MIA2: variants seen among roughly 807,000 people sequenced by gnomAD.
MIA2 encodes the protein MIA SH3 domain ER export factor 2.
MIA2 carries 127 observed loss-of-function variants against 167.8 expected under a neutral mutation model. The observed-to-expected ratio is 0.76, with a 90% confidence interval of 0.66 to 0.88. The LOEUF (loss-of-function observed/expected upper bound fraction) is 0.88. Among genes scored for constraint, MIA2 ranks in the 40% least tolerant of loss-of-function variants. MIA2 has a pLI of 0.00. For missense variants in MIA2, 1,690 were observed against 1,624.7 expected (o/e 1.04, Z -0.69); for synonymous variants, 552 against 541.9 (o/e 1.02, Z -0.26).
chr14:39,263,522 A>G (rs1009640859), intron 6 of MIA2, among the ~76,000 whole-genome samples: 2 of 151,782 alleles, frequency 1.3e-5, no homozygotes, highest in Admixed American at 1.3e-4. Context: ...GGCTTGAGCC[A>G]TCATGCCCAG....
intron 25 of MIA2, among the ~76,000 whole-genome samples, chr14:39,340,638 G>C (rs2071590539): frequency 6.6e-6 from 1 of 152,018 alleles, no homozygotes; most frequent in Non-Finnish European, 1.5e-5. Flanking sequence ...GAAAACTTGT[G>C]GTCTTCCCAA....
At chr14:39,239,612 C>T (rs2053951933) in intron 2 of MIA2, among the ~76,000 whole-genome samples, 1 of 152,124 alleles carries the variant, frequency 6.6e-6, no homozygotes, top group Admixed American at 6.5e-5. Flanking sequence ...TCATTGGAGG[C>T]ATCCAATGCA....
intron 25 of MIA2, 38 bp downstream of exon 25, chr14:39,327,060 G>T (rs762337138): frequency 2.1e-6 from 3 of 1,413,750 alleles, no homozygotes; most frequent in Admixed American, 2.7e-5. Context: ...TCTTTGAAAG[G>T]CAGCTGGGAT....
intron 9 of MIA2, 82 bp downstream of exon 9, chr14:39,279,619 A>C (rs2058643738): frequency 2.3e-6 from 2 of 870,476 alleles, no homozygotes; most frequent in Non-Finnish European, 3.6e-6. Flanking sequence ...GTGTAAATTT[A>C]AGATTATGAA....
At chr14:39,260,888 G>T (rs2055069090) in intron 6 of MIA2, among the ~76,000 whole-genome samples, 1 of 152,056 alleles carries the variant, frequency 6.6e-6, no homozygotes, top group South Asian at 2.1e-4. Flanking sequence ...TTTTGTATAA[G>T]GTGTAAGGAA....
In MIA2 at chr14:39,290,877, T is replaced by A. The variant is rs1595141982; in HGVS notation, c.2131-142T>A. ...CATTGTTTGTTGTAGTGGTCAGATT[T>A]AAAAAACTTAAAGCTAAGTAAATCC... On this transcript the variant is annotated intron_variant, in intron 9 of 28. Transcript: ENST00000640607. 3 of 737,330 alleles carry A rather than the reference T, an allele frequency of 4.1e-6. No homozygotes were observed. The East Asian group carries it at 9.3e-5, about 23-fold the overall frequency. The allele number at this position is 737,330 out of a possible 1,614,324, so 45.7% of individuals were successfully genotyped here.
intron 6 of MIA2, among the ~76,000 whole-genome samples, chr14:39,260,105 T>G (rs1341365493): frequency 6.6e-6 from 1 of 152,204 alleles, no homozygotes; most frequent in East Asian, 1.9e-4. Flanking sequence ...ATCCAGTCTG[T>G]CATTGATGGA....
At chr14:39,288,431 AC>A (rs2060110064) in intron 9 of MIA2, among the ~76,000 whole-genome samples, 2 of 75,658 alleles carry the variant, frequency 2.6e-5, no homozygotes, top group South Asian at 5.0e-4. Context: ...TATATATTAT[AC>A]ATATATATAT....
At chr14:39,318,995 T>TA (rs1186424670) in intron 22 of MIA2, among the ~76,000 whole-genome samples, 1 of 152,172 alleles carries the variant, frequency 6.6e-6, no homozygotes, top group African/African-American at 2.4e-5. Flanking sequence ...AGGCTCCACA[T>TA]AACATCACTA....
chr14:39,336,734 G>A (rs1243130729), intron 25 of MIA2, among the ~76,000 whole-genome samples: 1 of 152,096 alleles, frequency 6.6e-6, no homozygotes, highest in South Asian at 2.1e-4. Flanking sequence ...CTTTTAGTGT[G>A]ATTTTAAAAA....
At chr14:39,297,640 C>G (rs2061604011) in intron 13 of MIA2, among the ~76,000 whole-genome samples, 1 of 147,608 alleles carries the variant, frequency 6.8e-6, no homozygotes, top group Non-Finnish European at 1.5e-5. Flanking sequence ...TTCCACCTCT[C>G]CAAAGAATGA....
intron 7 of MIA2, among the ~76,000 whole-genome samples, chr14:39,279,012 T>C (rs1375166253): frequency 6.6e-6 from 1 of 151,744 alleles, no homozygotes; most frequent in Non-Finnish European, 1.5e-5. Context: ...AATATGAAAA[T>C]TGGCTAGGCA....
intron 23 of MIA2, among the ~76,000 whole-genome samples, chr14:39,361,932 C>T (rs1022086620): frequency 6.6e-6 from 1 of 152,064 alleles, no homozygotes; most frequent in Non-Finnish European, 1.5e-5. Context: ...ATTTTATCTT[C>T]GTCTATTGAG....
chr14:39,252,792 G>T lies in MIA2; in HGVS notation c.1612G>T (p.Val538Leu), dbSNP rs1222510581. The T allele has an allele frequency of 6.2e-7, 1 of 1,613,708 alleles. No individual in the cohort carries two copies. Among genetic ancestry groups the T allele is most frequent in the Non-Finnish European group, 8.5e-7 (1 of 1,179,770 alleles). The change falls in exon 5 of 29, where the codon GTA becomes TTA. Residue 538 changes from valine (V) to leucine (L), a missense_variant. Coordinates refer to ENST00000640607, the MANE Select transcript of MIA2 (RefSeq NM_001329214.4). ...GTTACCTACGAGAATTCACGAAGAAGTATATTTTGAACCCTCATCTTCTAA... is the reference window on the plus strand; with the variant it reads ...GTTACCTACGAGAATTCACGAAGAATTATATTTTGAACCCTCATCTTCTAA... ...IELPTRIHEE[V>L]YFEPSSSKDS...
intron 23 of MIA2, among the ~76,000 whole-genome samples, chr14:39,380,154 A>ATAAATC (rs1268891890): frequency 3.3e-5 from 5 of 152,262 alleles, no homozygotes; most frequent in African/African-American, 7.2e-5. Context: ...GACCTTTAAG[A>ATAAATC]TAAAACATTT....
chr14:39,342,840 C>A (rs2072295652), intron 25 of MIA2, among the ~76,000 whole-genome samples: 6 of 152,138 alleles, frequency 3.9e-5, no homozygotes, highest in Admixed American at 3.9e-4. Flanking sequence ...ACTTTCAGTT[C>A]TAATAATGAT....
chr14:39,322,812 C>A (rs2066719074), intron 24 of MIA2, among the ~76,000 whole-genome samples: 1 of 152,056 alleles, frequency 6.6e-6, no homozygotes, highest in Non-Finnish European at 1.5e-5. Context: ...TTATTTATTT[C>A]AAAATCAAAA....
intron 6 of MIA2, among the ~76,000 whole-genome samples, chr14:39,259,613 C>G (rs1226876500): frequency 6.6e-6 from 1 of 151,810 alleles, no homozygotes; most frequent in African/African-American, 2.4e-5. Context: ...TCACTGCAGC[C>G]TCAGCCTGCT....
At chr14:39,385,729 G>A in intron 23 of MIA2, 2 of 917,744 alleles carry the variant, frequency 2.2e-6, no homozygotes, top group Non-Finnish European at 3.7e-6. Context: ...CTTCTTACGT[G>A]TCTCTACCGG....
Sources: allele counts gnomAD v4.1 joint callset (sites outside exome capture counted in the v4.1 genomes callset), GRCh38; gene constraint gnomAD v4.1.1; transcripts MANE v1.5; gene names NCBI Gene and HGNC (gene_info 2026-07-23, HGNC 2026-07-21).